The following ANKS1B variants were observed in gnomAD, a reference collection of about 807,000 sequenced individuals.
ANKS1B encodes ankyrin repeat and sterile alpha motif domain-containing protein 1B.
In ANKS1B, 36 loss-of-function variants were observed where a neutral mutation model predicts 148.3. The observed-to-expected ratio is 0.24, with a 90% confidence interval of 0.19 to 0.32. The LOEUF is 0.32. ANKS1B is among the 10% of genes least tolerant of loss of function. ANKS1B has a pLI of 1.00. For missense variants in ANKS1B, 1,157 were observed against 1,542.6 expected, an observed-to-expected ratio of 0.75 and a Z score of 4.19; for synonymous variants, 542 against 560.8, an observed-to-expected ratio of 0.97 and a Z score of 0.47.
intron 12 of ANKS1B, among the ~76,000 whole-genome samples, chr12:99,343,315 T>C (rs774933087): frequency 7.9e-5 from 12 of 152,120 alleles, no homozygotes; most frequent in Admixed American, 4.6e-4. Flanking sequence ...CAATTGTTTT[T>C]AAATACATGG....
rs372385763 is a variant in ANKS1B at position 99,829,015 on chromosome 12, G to A, written c.135-3626C>T. Among the ~76,000 whole-genome samples the A allele has an allele frequency of 4.0e-5, 6 of 150,638 alleles. No individual in the cohort carries two copies. The East Asian group carries it at 7.8e-4, about 20-fold the overall frequency. Reference sequence around the variant, plus strand: ...AAAAGTAAAAAATAAAGCTCATGAAGTATCTCAGATACTTAGAAAAAAAAG... The same window carrying A: ...AAAAGTAAAAAATAAAGCTCATGAAATATCTCAGATACTTAGAAAAAAAAG... On this transcript the variant is annotated intron_variant, in intron 1 of 26. Coordinates refer to ENST00000683438, the MANE Select transcript of ANKS1B (RefSeq NM_001352186.2).
intron 15 of ANKS1B, among the ~76,000 whole-genome samples, chr12:99,119,024 C>A (rs1480096786): frequency 6.6e-6 from 1 of 152,068 alleles, no homozygotes; most frequent in African/African-American, 2.4e-5. Context: ...TGAATAAGAG[C>A]CCCCAAAGGT....
At chr12:99,309,021 A>G (rs1165898646) in intron 12 of ANKS1B, among the ~76,000 whole-genome samples, 1 of 151,380 alleles carries the variant, frequency 6.6e-6, no homozygotes, top group Admixed American at 6.6e-5. Context: ...AAATACTATC[A>G]GTTTTCATGT....
At chr12:99,011,900 G>A (rs2099939658) in intron 17 of ANKS1B, among the ~76,000 whole-genome samples, 1 of 152,346 alleles carries the variant, frequency 6.6e-6, no homozygotes, top group African/African-American at 2.4e-5. Flanking sequence ...GTGGAAGTGG[G>A]AGTCAGAGCA....
chr12:99,351,882 T>C (rs534687309), intron 12 of ANKS1B: 4 of 152,194 alleles, frequency 2.6e-5, no homozygotes, highest in African/African-American at 9.6e-5. Context: ...TAAGCAACAA[T>C]CTCTTCCTTC....
intron 9 of ANKS1B, among the ~76,000 whole-genome samples, chr12:99,611,175 C>T (rs146306906): frequency 1.2e-3 from 178 of 152,130 alleles, no homozygotes; most frequent in African/African-American, 3.9e-3. Flanking sequence ...AACTCGTAAT[C>T]GTAATACTAT....
At chr12:99,391,020 T>G (rs1294326602) in intron 12 of ANKS1B, among the ~76,000 whole-genome samples, 1 of 152,204 alleles carries the variant, frequency 6.6e-6, no homozygotes, top group African/African-American at 2.4e-5. Context: ...AGGCCACAGG[T>G]ATACTGGAAG....
At chr12:99,567,291 C>T (rs2097405303) in intron 9 of ANKS1B, among the ~76,000 whole-genome samples, 1 of 152,096 alleles carries the variant, frequency 6.6e-6, no homozygotes, top group Non-Finnish European at 1.5e-5. Context: ...AAAGGGCTTA[C>T]CTAATTAGGT....
intron 15 of ANKS1B, among the ~76,000 whole-genome samples, chr12:99,122,361 A>G (rs1408314237): frequency 6.6e-6 from 1 of 152,192 alleles, no homozygotes; most frequent in Non-Finnish European, 1.5e-5. Context: ...ATAAAATTTT[A>G]TTAGGACTAT....
chr12:99,341,632 C>T (rs998372294), intron 12 of ANKS1B, among the ~76,000 whole-genome samples: 3 of 151,980 alleles, frequency 2.0e-5, no homozygotes, highest in Non-Finnish European at 4.4e-5. Context: ...CTGTTTTGTT[C>T]TGTTTTAATT....
intron 12 of ANKS1B, among the ~76,000 whole-genome samples, chr12:99,265,171 T>C (rs1188651883): frequency 6.6e-6 from 1 of 152,192 alleles, no homozygotes; most frequent in African/African-American, 2.4e-5. Context: ...TACAGGTCTA[T>C]AGCAGTGGTT....
chr12:99,795,881 C>A (rs778330986), intron 4 of ANKS1B, among the ~76,000 whole-genome samples: 5 of 152,032 alleles, frequency 3.3e-5, no homozygotes, highest in Non-Finnish European at 5.9e-5. Context: ...GTTTGAGGTG[C>A]AACAGCAAAA....
intron 17 of ANKS1B, among the ~76,000 whole-genome samples, chr12:98,836,533 A>G (rs1352421848): frequency 6.6e-6 from 1 of 152,186 alleles, no homozygotes; most frequent in Admixed American, 6.5e-5. Context: ...TCATTATGGA[A>G]AAGTCAAGTC....
chr12:98,974,424 C>A (rs953425614), intron 17 of ANKS1B, among the ~76,000 whole-genome samples: 1 of 152,106 alleles, frequency 6.6e-6, no homozygotes, highest in African/African-American at 2.4e-5. Context: ...TTGCAAAATG[C>A]TGAAATCAGT....
intron 9 of ANKS1B, among the ~76,000 whole-genome samples, chr12:99,585,816 T>C (rs1033173523): frequency 7.2e-5 from 11 of 152,140 alleles, no homozygotes; most frequent in African/African-American, 2.7e-4. Context: ...CTTTTAGCCA[T>C]GGCTGGAGCA....
intron 9 of ANKS1B, among the ~76,000 whole-genome samples, chr12:99,604,767 A>G (rs2097838364): frequency 1.3e-5 from 2 of 149,574 alleles, no homozygotes; most frequent in African/African-American, 2.5e-5. Context: ...GTGAGCTGAG[A>G]TCACACCATT....
intron 26 of ANKS1B, among the ~76,000 whole-genome samples, chr12:98,748,407 C>T (rs1045619092): frequency 2.9e-5 from 4 of 135,814 alleles, no homozygotes; most frequent in Admixed American, 1.5e-4. Flanking sequence ...CCGGGCTGTC[C>T]GCTCTCAGGA....
At chr12:99,141,298 T>C (rs1223771507) in intron 15 of ANKS1B, among the ~76,000 whole-genome samples, 12 of 152,112 alleles carry the variant, frequency 7.9e-5, no homozygotes, top group African/African-American at 2.9e-4. Context: ...TTCTATCCAA[T>C]GCAACATGGC....
At chr12:98,983,317 A>T (rs2099917443) in intron 17 of ANKS1B, among the ~76,000 whole-genome samples, 1 of 152,144 alleles carries the variant, frequency 6.6e-6, no homozygotes, top group South Asian at 2.1e-4. Context: ...GCTGCTAAGG[A>T]CCACTCTCAG....
Sources: allele counts gnomAD v4.1 joint callset (sites outside exome capture counted in the v4.1 genomes callset), GRCh38; gene constraint gnomAD v4.1.1; transcripts MANE v1.5; gene names NCBI Gene and HGNC (gene_info 2026-07-23, HGNC 2026-07-21).